Variants in MCMBP observed in about 807,000 individuals in gnomAD.
The protein encoded by MCMBP is minichromosome maintenance complex binding protein.
A neutral mutation model predicts 81.3 loss-of-function variants in MCMBP; 31 were observed. The observed-to-expected ratio is 0.38, with a 90% CI of 0.29 to 0.51. MCMBP has a LOEUF of 0.51. MCMBP is among the 20% of genes least tolerant of loss of function. The probability of loss-of-function intolerance (pLI) is 0.87; values close to 1 mark genes in which losing one functional copy is unlikely to be tolerated. For synonymous variants in MCMBP, 267 were observed against 275.9 expected (o/e 0.97, Z 0.32); for missense variants, 645 against 772.1 (o/e 0.84, Z 1.95).
chr10:119,847,686 C>T lies in MCMBP; in HGVS notation c.754G>A (p.Val252Ile). ...CCATATAGCTCAAGAATGTCATTTACTTTGAAACAATCCCAATCTTCATAA... is the reference window on the plus strand; with the variant it reads ...CCATATAGCTCAAGAATGTCATTTATTTTGAAACAATCCCAATCTTCATAA... ...KVYEDWDCFK[V>I]NDILELYGIL... Residue 252 changes from valine to isoleucine, a missense_variant, in exon 8 of 16, where the codon GTA becomes ATA. Transcript: ENST00000369077. 1 of 1,610,384 alleles carries T rather than the reference C, an allele frequency of 6.2e-7. No homozygotes were observed.
chr10:119,852,977 G>A (rs1313149364), intron 6 of MCMBP, 73 bp downstream of exon 6: 3 of 1,554,766 alleles, frequency 1.9e-6, no homozygotes, highest in East Asian at 2.3e-5. Context: ...GCTATATTAT[G>A]TAACAATTCA....
chr10:119,846,292 A>G (rs941252587), intron 8 of MCMBP, among the ~76,000 whole-genome samples: 5 of 152,244 alleles, frequency 3.3e-5, no homozygotes, highest in Non-Finnish European at 7.3e-5. Flanking sequence ...AACATTGAAT[A>G]AAATCAGAAT....
intron 5 of MCMBP, among the ~76,000 whole-genome samples, chr10:119,855,955 T>C (rs935145585): frequency 6.6e-6 from 1 of 152,148 alleles, no homozygotes; most frequent in African/African-American, 2.4e-5. Flanking sequence ...AAAAACTGAA[T>C]TAGTCACTCC....
In MCMBP at chr10:119,837,004, G is replaced by A. The variant is rs1852270284; in HGVS notation, c.1434C>T (p.Ser478=). ...TPGVHNVTAL[S]NLITWQKVDY... ...CCACCTTCTGCCACGTTATGAGGTTGCTCAGGGCTGTCACATTATGAACAC... is the reference window on the plus strand; with the variant it reads ...CCACCTTCTGCCACGTTATGAGGTTACTCAGGGCTGTCACATTATGAACAC... The change falls in exon 13 of 16, where the codon AGC becomes AGT. Residue 478 remains serine, a synonymous_variant. Transcript: ENST00000369077. The A allele has an allele frequency of 6.2e-7, 1 of 1,613,476 alleles. No homozygotes were observed. The highest frequency in any genetic ancestry group is 1.3e-5 in the African/African-American group (1 of 74,838).
chr10:119,835,471 T>C (rs1852206200), intron 14 of MCMBP, 69 bp downstream of exon 14: 10 of 1,315,238 alleles, frequency 7.6e-6, no homozygotes, highest in Non-Finnish European at 1.1e-5. Context: ...TCAGTAATTA[T>C]GGTAAATGTA....
Position 119,840,844 on chromosome 10 carries a change from G to A in MCMBP, c.1241C>T (p.Ala414Val). 6.4e-7 allele frequency: 1 copy of A among 1,563,196 alleles called. No homozygotes were observed. The highest frequency in any genetic ancestry group is 8.7e-7 in the Non-Finnish European group (1 of 1,147,236). Residue 414 changes from alanine to valine, a missense_variant and splice_region_variant, in exon 11 of 16, where the codon GCA becomes GTA. Physicochemically the swap from Ala to Val is moderately conservative, Grantham distance 64. Transcript: ENST00000369077. ...AATACATATTTATATTCATCTTACTGCTGGAACAAGATGTTGAATAATTCG... is the reference window on the plus strand; with the variant it reads ...AATACATATTTATATTCATCTTACTACTGGAACAAGATGTTGAATAATTCG... ...LYRIIQHLVPASFRLQMTIEN... is the reference protein window; with the variant it reads ...LYRIIQHLVPVSFRLQMTIEN...
At chr10:119,859,243 A>G (rs2134391243) in intron 2 of MCMBP, 62 bp from the exon 3 acceptor site, 2 of 1,495,972 alleles carry the variant, frequency 1.3e-6, no homozygotes, top group Non-Finnish European at 1.8e-6. Flanking sequence ...TTAAGCATAT[A>G]TACACAAACT....
intron 7 of MCMBP, among the ~76,000 whole-genome samples, chr10:119,848,630 C>A (rs1221647166): frequency 4.6e-5 from 7 of 151,768 alleles, no homozygotes; most frequent in East Asian, 1.9e-4. Context: ...AACAAAAAAA[C>A]CCCCCAAAAA....
intron 12 of MCMBP, among the ~76,000 whole-genome samples, chr10:119,837,514 C>A (rs565242052): frequency 4.6e-5 from 7 of 152,270 alleles, no homozygotes; most frequent in African/African-American, 1.7e-4. Context: ...AAACAATCTG[C>A]TTTCTTGTGA....
At position 119,830,096 on chromosome 10, in the gene MCMBP, A is replaced by G. The variant is rs531335588; in HGVS notation, c.*1378T>C. ...ACATTTGTTTATAAAAATAGATTTG[A>G]GTTTAGGAAAAGTTGAACAACTAGT... is the stretch of plus-strand genomic sequence containing the variant. On this transcript the variant is annotated 3_prime_UTR_variant, in exon 16 of 16. Transcript: ENST00000369077. The G allele has an allele frequency of 6.5e-6, 1 of 152,740 alleles. No individual in the cohort carries two copies. Among genetic ancestry groups the G allele is most frequent in the South Asian group, 2.1e-4 (1 of 4,830 alleles). 9.5% of individuals were successfully genotyped at this position (152,740 alleles called of 1,614,324 possible).
chr10:119,835,971 G>C (rs897041554), intron 13 of MCMBP, among the ~76,000 whole-genome samples: 1 of 152,082 alleles, frequency 6.6e-6, no homozygotes, highest in Non-Finnish European at 1.5e-5. Flanking sequence ...TCAGTAGTGG[G>C]ACCACAGGTG....
In MCMBP at chr10:119,849,533, T is replaced by G; in HGVS notation, c.618A>C (p.Leu206Phe). The change falls in exon 7 of 16, where the codon TTA becomes TTC. Residue 206 changes from leucine to phenylalanine, a missense_variant. Leu to Phe is a conservative substitution (Grantham distance 22). Transcript: ENST00000369077. ...GLQWCGEPKR[L>F]ETEASTGQQL... ...GTTGCCCAGTAGAAGCTTCAGTTTCTAAACGTTTTGGCTCTCCACACCATT... is the reference window on the plus strand; with the variant it reads ...GTTGCCCAGTAGAAGCTTCAGTTTCGAAACGTTTTGGCTCTCCACACCATT... The G allele has an allele frequency of 3.7e-6, 6 of 1,608,482 alleles. No homozygotes were observed. The highest frequency in any genetic ancestry group is 5.1e-6 in the Non-Finnish European group (6 of 1,178,472).
Position 119,858,929 on chromosome 10 carries a change from T to C in MCMBP, c.286-4A>G, listed in dbSNP as rs756617253. ...TATATTTTCCAAAATGAAGAACCTA[T>C]GACCCCAAACATAGAAAAACAGAAT... On this transcript the variant is annotated splice_region_variant and splice_polypyrimidine_tract_variant and intron_variant, in intron 3 of 15. Coordinates refer to ENST00000369077, the MANE Select transcript of MCMBP (RefSeq NM_001256378.2). The C allele has an allele frequency of 1.2e-6, 2 of 1,612,378 alleles. No individual in the cohort carries two copies. The highest frequency in any genetic ancestry group is 1.7e-6 in the Non-Finnish European group (2 of 1,179,086).
chr10:119,836,701 G>A (rs1852253657), intron 13 of MCMBP, among the ~76,000 whole-genome samples, 195 bp downstream of exon 13: 1 of 148,034 alleles, frequency 6.8e-6, no homozygotes, highest in African/African-American at 2.5e-5. Context: ...GTAGATGTAA[G>A]GTTTTCATCC....
chr10:119,857,219 A>G, intron 5 of MCMBP, 119 bp downstream of exon 5: 1 of 666,748 alleles, frequency 1.5e-6, no homozygotes, highest in Non-Finnish European at 2.4e-6. Flanking sequence ...GGGTTTTCTC[A>G]ATTAGAACAA....
At chr10:119,869,995 T>C (rs569007508) in intron 1 of MCMBP, among the ~76,000 whole-genome samples, 2 of 152,220 alleles carry the variant, frequency 1.3e-5, no homozygotes, top group Non-Finnish European at 2.9e-5. Context: ...AGGAGGTGAA[T>C]TTTTAATTTT....
rs1271284859 is a variant in MCMBP, at chr10:119,836,967, T to C, written c.1471A>G (p.Ser491Gly). The C allele has an allele frequency of 6.2e-7, 1 of 1,613,828 alleles. No homozygotes were observed. Reference sequence around the variant, plus strand: ...CAGGGGAATTCCATCTGATGGTAGCTGAAGTCATAATCCACCTTCTGCCAC... The same window carrying C: ...CAGGGGAATTCCATCTGATGGTAGCCGAAGTCATAATCCACCTTCTGCCAC... ...ITWQKVDYDF[S>G]YHQMEFPCNI... is the part of the protein sequence containing the mutation. The change falls in exon 13 of 16, where the codon AGC becomes GGC. Residue 491 changes from serine to glycine, a missense_variant. By Grantham distance (56) the Ser-to-Gly change is moderately conservative. Coordinates refer to ENST00000369077, the MANE Select transcript of MCMBP (RefSeq NM_001256378.2).
chr10:119,872,103 AT>A (rs1182512893), intron 1 of MCMBP, among the ~76,000 whole-genome samples: 1 of 152,180 alleles, frequency 6.6e-6, no homozygotes, highest in Non-Finnish European at 1.5e-5. Flanking sequence ...GTTTTGAAAT[AT>A]CCTGTGGGCT....
intron 6 of MCMBP, among the ~76,000 whole-genome samples, chr10:119,851,182 C>G (rs1208204371): frequency 1.3e-5 from 2 of 152,048 alleles, no homozygotes; most frequent in African/African-American, 2.4e-5. Flanking sequence ...TGTATTATTT[C>G]TTACAACTGC....
Sources: gnomAD v4.1 joint callset for allele counts (sites outside exome capture counted in the v4.1 genomes callset) on GRCh38, gnomAD v4.1.1 for gene constraint, MANE v1.5 for transcripts, NCBI Gene and HGNC (gene_info 2026-07-23, HGNC 2026-07-21) for gene names.